RIT2: variants seen among roughly 807,000 people sequenced by gnomAD.
RIT2 encodes the protein GTP-binding protein Rit2.
Under a neutral mutation model 23.7 loss-of-function variants are expected in RIT2, and 24 were observed. That is an observed-to-expected ratio of 1.01 (90% CI 0.73 to 1.43). The LOEUF (loss-of-function observed/expected upper bound fraction) is 1.43. Among genes scored for constraint, RIT2 ranks in the 40% most tolerant of loss-of-function variants. The pLI, the probability that RIT2 is intolerant of heterozygous loss-of-function variation, is 0.00. For synonymous variants in RIT2, 107 were observed against 91.1 expected, an observed-to-expected ratio of 1.17 and a Z score of -0.99; for missense variants, 236 against 266.9, an observed-to-expected ratio of 0.88 and a Z score of 0.81.
At chr18:42,836,361 G>A (rs948915598) in intron 4 of RIT2, among the ~76,000 whole-genome samples, 1 of 152,080 alleles carries the variant, frequency 6.6e-6, no homozygotes, top group Non-Finnish European at 1.5e-5. Context: ...AGAGTGGGAT[G>A]GGGAGAGTAA....
At chr18:42,783,236 A>AGTGG (rs1334816343) in intron 4 of RIT2, among the ~76,000 whole-genome samples, 1 of 152,054 alleles carries the variant, frequency 6.6e-6, no homozygotes, top group East Asian at 1.9e-4. Flanking sequence ...TGAGGACTGG[A>AGTGG]GTGGCTACAG....
chr18:43,052,759 A>C (rs987358381), intron 1 of RIT2, among the ~76,000 whole-genome samples: 1 of 152,006 alleles, frequency 6.6e-6, no homozygotes, highest in Non-Finnish European at 1.5e-5. Flanking sequence ...ATGACATCTA[A>C]TTACCTTAAG....
At chr18:43,007,366 A>C (rs371143748) in intron 2 of RIT2, among the ~76,000 whole-genome samples, 4 of 151,746 alleles carry the variant, frequency 2.6e-5, no homozygotes, top group Admixed American at 2.0e-4. Flanking sequence ...TTTAACTTTC[A>C]GCCATCACAT....
chr18:42,866,716 A>T (rs1369956584), intron 4 of RIT2, among the ~76,000 whole-genome samples: 1 of 151,294 alleles, frequency 6.6e-6, no homozygotes, highest in African/African-American at 2.4e-5. Flanking sequence ...TGTCATTTTT[A>T]GCAGTTCTTT....
chr18:42,954,722 G>C, intron 3 of RIT2, among the ~76,000 whole-genome samples: 1 of 152,066 alleles, frequency 6.6e-6, no homozygotes, highest in East Asian at 1.9e-4. Flanking sequence ...GTAGCCTTCA[G>C]ATGATTTTCT....
intron 3 of RIT2, among the ~76,000 whole-genome samples, chr18:42,954,891 AAC>A (rs1909936995): frequency 6.6e-6 from 1 of 152,138 alleles, no homozygotes; most frequent in Admixed American, 6.6e-5. Flanking sequence ...TTCTCTGCAT[AAC>A]AGACTAAGGT....
At chr18:42,920,634 C>CT in intron 4 of RIT2, 2 of 1,138,490 alleles carry the variant, frequency 1.8e-6, no homozygotes. Context: ...TTCTTTTTAT[C>CT]TTTTTTAGAA....
intron 1 of RIT2, among the ~76,000 whole-genome samples, chr18:43,084,043 G>A (rs1913221514): frequency 6.6e-6 from 1 of 151,752 alleles, no homozygotes; most frequent in Non-Finnish European, 1.5e-5. Context: ...TCCAAAAAAT[G>A]CCCAAACAAC....
At chr18:42,863,563 T>C (rs192976175) in intron 4 of RIT2, among the ~76,000 whole-genome samples, 1 of 152,308 alleles carries the variant, frequency 6.6e-6, no homozygotes, top group East Asian at 1.9e-4. Flanking sequence ...AACAATGTTA[T>C]TGAACCTCTT....
intron 1 of RIT2, among the ~76,000 whole-genome samples, chr18:43,040,835 T>A (rs1598758105): frequency 6.6e-6 from 1 of 152,120 alleles, no homozygotes; most frequent in Non-Finnish European, 1.5e-5. Flanking sequence ...AAAAAAATCA[T>A]TTTCTGAAAA....
chr18:43,070,224 G>A (rs1912867277), intron 1 of RIT2, among the ~76,000 whole-genome samples: 1 of 152,120 alleles, frequency 6.6e-6, no homozygotes, highest in Non-Finnish European at 1.5e-5. Context: ...TTGTCAAATA[G>A]ACAATATGGG....
intron 1 of RIT2, among the ~76,000 whole-genome samples, chr18:43,081,398 T>C (rs1289806606): frequency 6.6e-6 from 1 of 152,184 alleles, no homozygotes; most frequent in Non-Finnish European, 1.5e-5. Flanking sequence ...CCATGCATTC[T>C]ATCAATCAAT....
chr18:42,923,430 G>A, intron 4 of RIT2, 142 bp downstream of exon 4: 1 of 747,980 alleles, frequency 1.3e-6, no homozygotes, highest in Non-Finnish European at 2.3e-6. Flanking sequence ...ATTTACCATG[G>A]GACCACCATG....
At chr18:42,943,912 C>T (rs1445448853) in intron 3 of RIT2, among the ~76,000 whole-genome samples, 1 of 152,118 alleles carries the variant, frequency 6.6e-6, no homozygotes, top group Non-Finnish European at 1.5e-5. Context: ...AGTGTATCTC[C>T]AGAATCCAAC....
chr18:42,938,365 T>C (rs1598722721), intron 3 of RIT2, among the ~76,000 whole-genome samples: 1 of 152,180 alleles, frequency 6.6e-6, no homozygotes, highest in Non-Finnish European at 1.5e-5. Context: ...GAAATTTTGA[T>C]CTTGGATGAA....
intron 1 of RIT2, among the ~76,000 whole-genome samples, chr18:43,081,881 A>G (rs144097627): frequency 6.6e-6 from 1 of 151,820 alleles, no homozygotes; most frequent in African/African-American, 2.4e-5. Flanking sequence ...TTCTTCTTGC[A>G]TTCATTTTTT....
At chr18:42,906,633 A>G (rs1568027012) in intron 4 of RIT2, among the ~76,000 whole-genome samples, 1 of 152,126 alleles carries the variant, frequency 6.6e-6, no homozygotes, top group Non-Finnish European at 1.5e-5. Flanking sequence ...TGCTGTTCCT[A>G]ATGATAATTT....
intron 1 of RIT2, among the ~76,000 whole-genome samples, chr18:43,055,142 C>T (rs1465257643): frequency 2.6e-5 from 4 of 151,994 alleles, no homozygotes; most frequent in Non-Finnish European, 5.9e-5. Context: ...AAGGTTAAGG[C>T]CCTATTCGTG....
At chr18:42,956,062 T>C (rs1361539816) in intron 3 of RIT2, among the ~76,000 whole-genome samples, 1 of 152,174 alleles carries the variant, frequency 6.6e-6, no homozygotes, top group Non-Finnish European at 1.5e-5. Context: ...GCAGCTAAGA[T>C]GGAGACGACT....
Sources: gnomAD v4.1 joint callset for allele counts (sites outside exome capture counted in the v4.1 genomes callset) on GRCh38, gnomAD v4.1.1 for gene constraint, MANE v1.5 for transcripts, NCBI Gene and HGNC (gene_info 2026-07-23, HGNC 2026-07-21) for gene names.